SAMTOR: variants seen among roughly 807,000 people sequenced by gnomAD.
The protein encoded by SAMTOR is UPF0532 protein C7orf60.
the SAMTOR span, among the ~76,000 whole-genome samples, chr7:112,846,894 T>G: frequency 3.9e-5 from 6 of 152,230 alleles, no homozygotes; most frequent in Admixed American, 2.6e-4. Flanking sequence ...AAAATTAAAC[T>G]GAATTACTCA....
the SAMTOR span, among the ~76,000 whole-genome samples, chr7:112,856,256 T>G: frequency 1.4e-5 from 2 of 146,464 alleles, no homozygotes; most frequent in African/African-American, 5.3e-5. Flanking sequence ...TTTTTTTTCT[T>G]TTTTTTTTTT....
At chr7:112,821,738 T>G in the SAMTOR span, 7 of 1,575,346 alleles carry the variant, frequency 4.4e-6, no homozygotes, top group East Asian at 1.6e-4. Context: ...GCTTTTTGCT[T>G]CTATATTAAC....
the SAMTOR span, among the ~76,000 whole-genome samples, chr7:112,890,910 G>C: frequency 6.6e-6 from 1 of 151,960 alleles, no homozygotes; most frequent in Non-Finnish European, 1.5e-5. Context: ...GGCTGGTCCT[G>C]AACTCCTGGA....
the SAMTOR span, among the ~76,000 whole-genome samples, chr7:112,896,704 T>G: frequency 6.6e-6 from 1 of 152,066 alleles, no homozygotes; most frequent in African/African-American, 2.4e-5. Flanking sequence ...GTTACCTCAG[T>G]AAAGGACACA....
the SAMTOR span, among the ~76,000 whole-genome samples, chr7:112,832,368 T>C: frequency 1.3e-5 from 2 of 152,182 alleles, no homozygotes; most frequent in Non-Finnish European, 2.9e-5. Flanking sequence ...ATTATGGCTA[T>C]TTAGATGATA....
At chr7:112,868,610 T>C in the SAMTOR span, among the ~76,000 whole-genome samples, 2 of 152,306 alleles carry the variant, frequency 1.3e-5, no homozygotes, top group Non-Finnish European at 2.9e-5. Flanking sequence ...GACCTAGGAC[T>C]GAGAGGAGGA....
chr7:112,916,801 T>G, the SAMTOR span, among the ~76,000 whole-genome samples: 2 of 152,236 alleles, frequency 1.3e-5, no homozygotes, highest in African/African-American at 4.8e-5. Context: ...ATCCCACACC[T>G]GACTCGGAGG....
the SAMTOR span, among the ~76,000 whole-genome samples, chr7:112,922,913 C>T: frequency 6.7e-6 from 1 of 150,064 alleles, no homozygotes; most frequent in Non-Finnish European, 1.5e-5. Flanking sequence ...GGCCAGCCGC[C>T]CCATCCGTCC....
chr7:112,883,692 T>C, the SAMTOR span, among the ~76,000 whole-genome samples: 11 of 152,210 alleles, frequency 7.2e-5, no homozygotes, highest in Non-Finnish European at 1.6e-4. Context: ...ATAAATTACC[T>C]ATATTTATCA....
the SAMTOR span, among the ~76,000 whole-genome samples, chr7:112,901,261 C>G: frequency 6.6e-6 from 1 of 152,198 alleles, no homozygotes; most frequent in Non-Finnish European, 1.5e-5. Context: ...TTCCCCATTG[C>G]TCGCATTACT....
chr7:112,905,802 A>G, the SAMTOR span, among the ~76,000 whole-genome samples: 3 of 152,122 alleles, frequency 2.0e-5, no homozygotes, highest in Admixed American at 2.0e-4. Context: ...ATATACACAC[A>G]TCAGCCAAAA....
chr7:112,916,455 G>C, the SAMTOR span, among the ~76,000 whole-genome samples: 1 of 152,118 alleles, frequency 6.6e-6, no homozygotes, highest in African/African-American at 2.4e-5. Flanking sequence ...AAATAGAGGG[G>C]GTTGGAGCCA....
chr7:112,834,055 C>T, the SAMTOR span, among the ~76,000 whole-genome samples: 1 of 152,168 alleles, frequency 6.6e-6, no homozygotes, highest in South Asian at 2.1e-4. Flanking sequence ...TTTTACACTA[C>T]ATTTTGTAAC....
At chr7:112,903,622 G>A in the SAMTOR span, among the ~76,000 whole-genome samples, 2 of 152,136 alleles carry the variant, frequency 1.3e-5, no homozygotes, top group Admixed American at 6.5e-5. Flanking sequence ...AGGAATAAAA[G>A]TCTGGTAATT....
chr7:112,939,588 T>C, the SAMTOR span: 1 of 1,613,732 alleles, frequency 6.2e-7, no homozygotes. Context: ...GCGCGCTGTT[T>C]ACCTTCTCGG....
the SAMTOR span, among the ~76,000 whole-genome samples, chr7:112,877,739 T>A: frequency 1.3e-5 from 2 of 152,110 alleles, no homozygotes; most frequent in Non-Finnish European, 2.9e-5. Context: ...AGACCCCTCA[T>A]GAATTAATGC....
chr7:112,918,931 C>T, the SAMTOR span, among the ~76,000 whole-genome samples: 2 of 152,164 alleles, frequency 1.3e-5, no homozygotes, highest in African/African-American at 2.4e-5. Flanking sequence ...AAGACAGGAG[C>T]ACCCAGATTC....
chr7:112,830,880 C>CTT, the SAMTOR span, among the ~76,000 whole-genome samples: 13 of 142,362 alleles, frequency 9.1e-5, no homozygotes, highest in Non-Finnish European at 1.2e-4. Context: ...GCTTTAAATA[C>CTT]TTTTTTTTTT....
At chr7:112,821,543 G>A in the SAMTOR span, 3 of 454,614 alleles carry the variant, frequency 6.6e-6, no homozygotes, top group Non-Finnish European at 1.1e-5. Context: ...TATGACATGA[G>A]TCACTCTGCA....
Sources: gnomAD v4.1 joint callset for allele counts (sites outside exome capture counted in the v4.1 genomes callset) on GRCh38, gnomAD v4.1.1 for gene constraint, MANE v1.5 for transcripts, NCBI Gene and HGNC (gene_info 2026-07-23, HGNC 2026-07-21) for gene names.